PPP1R14C: variants seen among roughly 807,000 people sequenced by gnomAD.
The protein encoded by PPP1R14C is protein phosphatase 1 regulatory inhibitor subunit 14C, also known as protein phosphatase 1 regulatory subunit 14C.
A neutral mutation model predicts 20.4 loss-of-function variants in PPP1R14C; 16 were observed. The observed-to-expected ratio is 0.78, with a 90% confidence interval of 0.53 to 1.19. The LOEUF (loss-of-function observed/expected upper bound fraction) is 1.19. PPP1R14C is among the 50% of genes most tolerant of loss of function. The pLI, the probability that PPP1R14C is intolerant of heterozygous loss-of-function variation, is 0.00. For missense variants in PPP1R14C, 211 were observed against 220.1 expected (o/e 0.96, Z 0.26); for synonymous variants, 91 against 91.0 (o/e 1.00, Z 0.00).
At chr6:150,166,622 A>C (rs1777425392) in intron 1 of PPP1R14C, among the ~76,000 whole-genome samples, 1 of 152,154 alleles carries the variant, frequency 6.6e-6, no homozygotes, top group Non-Finnish European at 1.5e-5. Flanking sequence ...CTTATTGTCC[A>C]CCACTGCCCA....
At chr6:150,232,794 G>A (rs576901466) in intron 3 of PPP1R14C, among the ~76,000 whole-genome samples, 34 of 152,310 alleles carry the variant, frequency 2.2e-4, no homozygotes, top group African/African-American at 7.0e-4. Context: ...TTTAGAATAA[G>A]TTCTTAATAA....
chr6:150,217,195 ATTTTTTT>A (rs397886649), intron 3 of PPP1R14C, among the ~76,000 whole-genome samples: 3 of 135,652 alleles, frequency 2.2e-5, no homozygotes, highest in African/African-American at 8.2e-5. Flanking sequence ...ATTGGTATGT[ATTTTTTT>A]TTTTTTTTTT....
At chr6:150,178,114 G>A (rs1161474182) in intron 1 of PPP1R14C, among the ~76,000 whole-genome samples, 2 of 152,170 alleles carry the variant, frequency 1.3e-5, no homozygotes, top group Non-Finnish European at 2.9e-5. Context: ...CAGCCTCCGC[G>A]AGGCCTTTTG....
chr6:150,173,368 G>A (rs1373162145), intron 1 of PPP1R14C, among the ~76,000 whole-genome samples: 4 of 151,672 alleles, frequency 2.6e-5, no homozygotes, highest in African/African-American at 9.7e-5. Context: ...GTGAGTGCCC[G>A]GGCCCAGCCT....
At chr6:150,168,431 G>T (rs1276706528) in intron 1 of PPP1R14C, among the ~76,000 whole-genome samples, 1 of 152,094 alleles carries the variant, frequency 6.6e-6, no homozygotes, top group African/African-American at 2.4e-5. Flanking sequence ...TACTTGGGAG[G>T]CTGAGGCAGG....
chr6:150,176,380 C>T (rs1777563153), intron 1 of PPP1R14C, among the ~76,000 whole-genome samples: 1 of 152,234 alleles, frequency 6.6e-6, no homozygotes, highest in South Asian at 2.1e-4. Context: ...TTGGCAACTA[C>T]CTCTTGTCTT....
intron 3 of PPP1R14C, among the ~76,000 whole-genome samples, chr6:150,230,125 T>C (rs916936322): frequency 3.1e-4 from 47 of 152,206 alleles, no homozygotes; most frequent in African/African-American, 1.1e-3. Context: ...TTTTGCCATT[T>C]GGAACAATTT....
intron 1 of PPP1R14C, among the ~76,000 whole-genome samples, chr6:150,151,707 A>AT (rs1265986715): frequency 6.6e-6 from 1 of 152,128 alleles, no homozygotes; most frequent in African/African-American, 2.4e-5. Context: ...TCATTTCTTC[A>AT]TTTTTTGGAG....
At chr6:150,243,284 T>G (rs1778453809) in intron 3 of PPP1R14C, among the ~76,000 whole-genome samples, 1 of 151,266 alleles carries the variant, frequency 6.6e-6, no homozygotes, top group African/African-American at 2.4e-5. Flanking sequence ...CAAGCAATTC[T>G]CCTGCCTCAG....
intron 1 of PPP1R14C, among the ~76,000 whole-genome samples, chr6:150,190,090 C>A (rs1777724181): frequency 6.6e-6 from 1 of 152,134 alleles, no homozygotes; most frequent in Non-Finnish European, 1.5e-5. Flanking sequence ...TGACCCAGGG[C>A]AAACCATGTC....
rs369389461 is a variant in PPP1R14C, at chr6:150,248,927, G to GTT, written c.*119_*120dup. 5.2e-3 allele frequency: 2,281 copies of GTT among 442,766 alleles called. No individual in the cohort carries two copies. Among genetic ancestry groups the GTT allele is most frequent in the South Asian group, 7.1e-3 (134 of 18,978 alleles). The allele number at this position is 442,766 out of a possible 1,614,324, so 27.4% of individuals were successfully genotyped here. A position where few individuals can be genotyped will look rare whatever the true frequency, so the allele number is the denominator to read the frequency against. ...AGGTGTCCTTATGAACAACGTTTTT[G>GTT]TTTTTTTTTTTTTCTTTTTTGGTGT... is the stretch of plus-strand genomic sequence containing the variant. On this transcript the variant is annotated 3_prime_UTR_variant, in exon 4 of 4. Coordinates refer to ENST00000361131, the MANE Select transcript of PPP1R14C (RefSeq NM_030949.3).
intron 3 of PPP1R14C, among the ~76,000 whole-genome samples, chr6:150,247,489 C>T (rs1428641048): frequency 1.3e-5 from 2 of 152,146 alleles, no homozygotes; most frequent in Non-Finnish European, 2.9e-5. Flanking sequence ...TCTTTAGGTT[C>T]TGATCGATTT....
intron 1 of PPP1R14C, among the ~76,000 whole-genome samples, chr6:150,165,188 G>C (rs897282973): frequency 5.3e-5 from 8 of 152,216 alleles, no homozygotes; most frequent in Admixed American, 5.2e-4. Flanking sequence ...CTAATATTAG[G>C]TAGAGCCTTT....
In PPP1R14C at chr6:150,143,085, G is replaced by A; in HGVS notation, c.-108G>A. 9.0e-7 allele frequency: 1 copy of A among 1,116,652 alleles called. No homozygotes were observed. Among genetic ancestry groups the A allele is most frequent in the African/African-American group, 1.7e-5 (1 of 60,222 alleles). The allele number at this position is 1,116,652 out of a possible 1,614,324, so 69.2% of individuals were successfully genotyped here. On this transcript the variant is annotated 5_prime_UTR_variant, in exon 1 of 4. Coordinates refer to ENST00000361131, the MANE Select transcript of PPP1R14C (RefSeq NM_030949.3). The surrounding 1 kb of genome is among the most constrained non-coding windows in gnomAD (Gnocchi z 5.6). The stretch of plus-strand genomic sequence containing the variant: ...TGGGCGCGCGCGGCGCAGAGCAGGT[G>A]CCGGGGAGCCCTTCGCATGCGGCTG...
At chr6:150,191,416 T>A (rs9371809) in intron 1 of PPP1R14C, among the ~76,000 whole-genome samples, 6,691 of 152,286 alleles carry the variant, frequency 0.044, 310 homozygotes, top group East Asian at 0.12. Flanking sequence ...TGTGGAGTGA[T>A]TGTATCCACC....
Position 150,248,787 on chromosome 6 carries a change from G to A in PPP1R14C, c.465G>A (p.Arg155=). Residue 155 remains arginine (R), a synonymous_variant, in exon 4 of 4, where the codon AGG becomes AGA. Transcript: ENST00000361131. ...TGCTTTCTCGGATAAGAGGCATGAG[G>A]AAACTGAGCCCTCCGCAGAAGAAGA... The part of the protein sequence containing the change: ...KELLSRIRGM[R]KLSPPQKKSV The A allele has an allele frequency of 1.2e-6, 2 of 1,613,462 alleles. No homozygotes were observed. The highest frequency in any genetic ancestry group is 4.5e-5 in the East Asian group (2 of 44,866).
Position 150,241,835 on chromosome 6 carries a change from C to T in PPP1R14C, c.424-6911C>T, listed in dbSNP as rs138491910. Among the ~76,000 whole-genome samples the T allele has an allele frequency of 3.5e-3, 530 of 152,122 alleles. 1 individual carries two copies. The highest frequency in any genetic ancestry group is 5.2e-3 in the South Asian group (25 of 4,814). Reference sequence around the variant, plus strand: ...CCGGGAGGCGGAGGTTGCAATGAGCCGAGATCATGCCATTGCACTCCAGCC... The same window carrying T: ...CCGGGAGGCGGAGGTTGCAATGAGCTGAGATCATGCCATTGCACTCCAGCC... On this transcript the variant is annotated intron_variant, in intron 3 of 3. Transcript: ENST00000361131.
In PPP1R14C at chr6:150,143,925, A is replaced by AT. The variant is rs889261825; in HGVS notation, c.306+432dup. On this transcript the variant is annotated intron_variant, in intron 1 of 3. Transcript: ENST00000361131. This position sits in a 1 kb window ranked among gnomAD's most constrained non-coding sequence, Gnocchi z 5.6. ...CACTGCTGGGATCCGGGCAGCCCTG[A>AT]TTTTTGTGGAGAACGAGCAGGGAAG... Among the ~76,000 whole-genome samples the AT allele has an allele frequency of 4.6e-5, 7 of 152,132 alleles. No homozygotes were observed. The highest frequency in any genetic ancestry group is 1.0e-4 in the Non-Finnish European group (7 of 68,030).
intron 1 of PPP1R14C, among the ~76,000 whole-genome samples, chr6:150,149,858 A>G (rs1042080981): frequency 3.9e-5 from 6 of 152,198 alleles, no homozygotes; most frequent in African/African-American, 1.4e-4. Flanking sequence ...GTGTTGGTGT[A>G]TGTTTGAACT....
Sources: gnomAD v4.1 joint callset for allele counts (sites outside exome capture counted in the v4.1 genomes callset) on GRCh38, gnomAD v4.1.1 for gene constraint, Gnocchi (gnomAD v3.1) non-coding constraint, MANE v1.5 for transcripts, NCBI Gene and HGNC (gene_info 2026-07-23, HGNC 2026-07-21) for gene names.